RIC3: variants seen among roughly 807,000 people sequenced by gnomAD.
The protein encoded by RIC3 is protein RIC-3.
RIC3 carries 28 observed loss-of-function variants against 27.3 expected under a neutral mutation model. The ratio of observed to expected loss-of-function variants is 1.02; its 90% CI spans 0.76 to 1.41. The LOEUF (loss-of-function observed/expected upper bound fraction) is 1.41. Ranked by LOEUF, RIC3 falls within the 40% of genes most tolerant of loss-of-function variation. RIC3 has a pLI of 0.00. For missense variants in RIC3, 501 were observed against 444.7 expected (o/e 1.13, Z -1.14); for synonymous variants, 184 against 160.4 (o/e 1.15, Z -1.11).
chr11:8,164,169 T>C (rs1951457114), intron 1 of RIC3, among the ~76,000 whole-genome samples: 1 of 152,146 alleles, frequency 6.6e-6, no homozygotes, highest in African/African-American at 2.4e-5. Context: ...ACCTTACCCA[T>C]ATACACAAAT....
downstream of RIC3, chr11:8,101,144 C>T (rs1200009308): frequency 4.9e-6 from 5 of 1,015,282 alleles, no homozygotes; most frequent in African/African-American, 1.6e-5. Context: ...AACTTTCTAA[C>T]CCTAATGACT....
chr11:8,120,895 C>T (rs760132549), intron 5 of RIC3, among the ~76,000 whole-genome samples: 2 of 151,986 alleles, frequency 1.3e-5, no homozygotes, highest in East Asian at 1.9e-4. Flanking sequence ...GCATAATCAA[C>T]GATTTTATAC....
At chr11:8,136,044 AC>A (rs1303624765) in intron 4 of RIC3, among the ~76,000 whole-genome samples, 4 of 152,238 alleles carry the variant, frequency 2.6e-5, no homozygotes, top group African/African-American at 7.2e-5. Context: ...ACTTTGGGGA[AC>A]ATTCCAGATA....
the RIC3 span, chr11:8,095,816 C>A: frequency 2.2e-6 from 2 of 899,286 alleles, no homozygotes; most frequent in Admixed American, 2.9e-5. Flanking sequence ...AAATGAGAAA[C>A]TCTTAGGCAG....
At chr11:8,095,791 G>T in the RIC3 span, 2 of 1,067,646 alleles carry the variant, frequency 1.9e-6, no homozygotes, top group Non-Finnish European at 2.7e-6. Context: ...TGAGGGTGGG[G>T]CACACTTCGG....
intron 5 of RIC3, among the ~76,000 whole-genome samples, chr11:8,121,909 A>C (rs1946501695): frequency 6.6e-6 from 1 of 152,070 alleles, no homozygotes; most frequent in Non-Finnish European, 1.5e-5. Context: ...ATTTTGAGAT[A>C]ATTATAGATT....
chr11:8,127,609 G>A (rs1163031952), intron 4 of RIC3, among the ~76,000 whole-genome samples: 1 of 152,162 alleles, frequency 6.6e-6, no homozygotes, highest in Non-Finnish European at 1.5e-5. Flanking sequence ...TCTTCTAGAG[G>A]AAAGCACTGC....
chr11:8,099,016 C>G, the RIC3 span: 10 of 695,090 alleles, frequency 1.4e-5, no homozygotes, highest in South Asian at 1.6e-4. Context: ...TGGAGTGTTC[C>G]TGGCCTAGGA....
At chr11:8,099,162 C>G in the RIC3 span, among the ~76,000 whole-genome samples, 1 of 152,070 alleles carries the variant, frequency 6.6e-6, no homozygotes, top group Non-Finnish European at 1.5e-5. Context: ...GACGGTCGCC[C>G]TGGGTTCTTG....
intron 1 of RIC3, among the ~76,000 whole-genome samples, chr11:8,155,262 G>C (rs940761988): frequency 1.3e-5 from 2 of 149,170 alleles, no homozygotes; most frequent in Non-Finnish European, 3.0e-5. Context: ...TATCATTTAA[G>C]CTTAACTAAA....
At chr11:8,154,968 C>A (rs909436724) in intron 1 of RIC3, among the ~76,000 whole-genome samples, 2 of 152,034 alleles carry the variant, frequency 1.3e-5, no homozygotes, top group African/African-American at 4.8e-5. Flanking sequence ...AATTTAATCC[C>A]AGCATTTAGC....
intron 1 of RIC3, among the ~76,000 whole-genome samples, chr11:8,151,831 G>A (rs1159853880): frequency 6.0e-5 from 9 of 150,386 alleles, no homozygotes; most frequent in African/African-American, 1.2e-4. Flanking sequence ...CAGGAGAATC[G>A]CTTGAACCCA....
chr11:8,153,758 T>TATGTC (rs1225985448), intron 1 of RIC3, among the ~76,000 whole-genome samples: 14 of 152,344 alleles, frequency 9.2e-5, no homozygotes, highest in Admixed American at 2.0e-4. Flanking sequence ...AATCAGTATA[T>TATGTC]ATGTCTTCTT....
At chr11:8,150,675 G>A (rs1565098167) in intron 1 of RIC3, among the ~76,000 whole-genome samples, 1 of 152,188 alleles carries the variant, frequency 6.6e-6, no homozygotes, top group Non-Finnish European at 1.5e-5. Flanking sequence ...AGCCAAAGAT[G>A]ACTAGAAACA....
downstream of RIC3, chr11:8,102,463 T>C (rs1387404034): frequency 6.6e-6 from 1 of 152,220 alleles, no homozygotes; most frequent in African/African-American, 2.4e-5. Context: ...AGCTCTCTGC[T>C]GAGCAGCCCA....
Position 8,108,827 on chromosome 11 carries a change from T to C in RIC3, c.*1871A>G, listed in dbSNP as rs1212212681. On this transcript the variant is annotated 3_prime_UTR_variant, in exon 6 of 6. Coordinates refer to ENST00000309737, the MANE Select transcript of RIC3 (RefSeq NM_001206671.4). ...AGCTAGAAGAGAACAGCAGTATTTA[T>C]CTCTAATAAGGGAATCCTATCCTAA... 1 of 152,210 alleles carries C rather than the reference T, an allele frequency of 6.6e-6. No homozygotes were observed. Among genetic ancestry groups the C allele is most frequent in the African/African-American group, 2.4e-5 (1 of 41,448 alleles). The allele number at this position is 152,210 out of a possible 1,614,324, so 9.4% of individuals were successfully genotyped here. A position where few individuals can be genotyped will look rare whatever the true frequency, so the allele number is the denominator to read the frequency against.
At chr11:8,131,746 C>T (rs1263298794) in intron 4 of RIC3, among the ~76,000 whole-genome samples, 1 of 151,394 alleles carries the variant, frequency 6.6e-6, no homozygotes, top group Non-Finnish European at 1.5e-5. Flanking sequence ...ACTAAAAATA[C>T]AAAAATTAGC....
intron 5 of RIC3, among the ~76,000 whole-genome samples, chr11:8,122,267 C>G (rs927319571): frequency 2.0e-5 from 3 of 152,186 alleles, no homozygotes; most frequent in Non-Finnish European, 4.4e-5. Context: ...CCCCTCTTAA[C>G]TCCTAGCAAC....
chr11:8,101,740 A>G, downstream of RIC3: 2 of 1,429,324 alleles, frequency 1.4e-6, no homozygotes, highest in Non-Finnish European at 1.8e-6. Context: ...TTTGGCCCTC[A>G]GTGGGCTCCC....
Sources: gnomAD v4.1 joint callset for allele counts (sites outside exome capture counted in the v4.1 genomes callset) on GRCh38, gnomAD v4.1.1 for gene constraint, MANE v1.5 for transcripts, NCBI Gene and HGNC (gene_info 2026-07-23, HGNC 2026-07-21) for gene names.